The following LEPR variants were observed in gnomAD, a reference collection of about 807,000 sequenced individuals.
LEPR encodes leptin receptor, also known as OB receptor.
A neutral mutation model predicts 114.7 loss-of-function variants in LEPR; 56 were observed. The ratio of observed to expected loss-of-function variants is 0.49; its 90% CI spans 0.39 to 0.61. The LOEUF is 0.61. Ranked by LOEUF, LEPR falls within the 20% of genes least tolerant of loss-of-function variation. The pLI is 0.00. For missense variants in LEPR, 1,202 were observed against 1,352.9 expected, an observed-to-expected ratio of 0.89 and a Z score of 1.75; for synonymous variants, 443 against 461.4, an observed-to-expected ratio of 0.96 and a Z score of 0.51.
intron 2 of LEPR, among the ~76,000 whole-genome samples, chr1:65,494,376 A>T (rs1200921199): frequency 1.3e-5 from 2 of 151,998 alleles, no homozygotes; most frequent in Non-Finnish European, 2.9e-5. Flanking sequence ...CTCCTCCTAT[A>T]TCTCCAAATG....
At chr1:65,537,513 G>A (rs922526611) in intron 2 of LEPR, among the ~76,000 whole-genome samples, 2 of 151,682 alleles carry the variant, frequency 1.3e-5, no homozygotes, top group African/African-American at 2.4e-5. Context: ...AGATAATTTA[G>A]CCTACTCATT....
intron 2 of LEPR, among the ~76,000 whole-genome samples, chr1:65,451,190 T>G (rs1463460009): frequency 6.6e-6 from 1 of 152,198 alleles, no homozygotes; most frequent in African/African-American, 2.4e-5. Context: ...CTTTGGCAGA[T>G]GAGTAGGTTG....
chr1:65,601,299 C>T (rs1249764638), intron 8 of LEPR, 93 bp from the exon 9 acceptor site: 1 of 1,456,378 alleles, frequency 6.9e-7, no homozygotes, highest in African/African-American at 1.4e-5. Flanking sequence ...GGCAGTGTAA[C>T]TCTGGAATGT....
chr1:65,499,192 T>C (rs998089903), intron 2 of LEPR, among the ~76,000 whole-genome samples: 3 of 152,124 alleles, frequency 2.0e-5, no homozygotes, highest in African/African-American at 7.2e-5. Context: ...TAAATGCTTA[T>C]AAGAGTGAGA....
At chr1:65,601,798 T>C (rs1480426697) in intron 9 of LEPR, 45 bp from the exon 10 acceptor site, 3 of 1,582,524 alleles carry the variant, frequency 1.9e-6, no homozygotes, top group Non-Finnish European at 2.6e-6. Context: ...ATTGAATTTT[T>C]TGGAGTTTTT....
At chr1:65,555,756 TG>T (rs1652771132) in intron 2 of LEPR, among the ~76,000 whole-genome samples, 1 of 152,192 alleles carries the variant, frequency 6.6e-6, no homozygotes, top group Non-Finnish European at 1.5e-5. Flanking sequence ...CATTCATTTT[TG>T]TTGTGAGAGT....
chr1:65,499,898 T>A (rs952406324), intron 2 of LEPR, among the ~76,000 whole-genome samples: 1 of 152,116 alleles, frequency 6.6e-6, no homozygotes. Flanking sequence ...TTTAAGGACA[T>A]CCATGTTCTG....
chr1:65,480,574 A>C, intron 2 of LEPR, among the ~76,000 whole-genome samples: 1 of 152,198 alleles, frequency 6.6e-6, no homozygotes, highest in African/African-American at 2.4e-5. Context: ...ATGATAACGA[A>C]AGTATCTCAT....
intron 2 of LEPR, among the ~76,000 whole-genome samples, chr1:65,426,588 G>A (rs1570422070): frequency 6.6e-6 from 1 of 152,248 alleles, no homozygotes; most frequent in Admixed American, 6.5e-5. Flanking sequence ...AAGAAAAGGA[G>A]AGTGAGTTAG....
At chr1:65,516,422 C>T (rs1043241910) in intron 2 of LEPR, among the ~76,000 whole-genome samples, 6 of 150,506 alleles carry the variant, frequency 4.0e-5, no homozygotes, top group South Asian at 2.1e-4. Flanking sequence ...CCAGCCTGGG[C>T]GAAAGAGCGA....
intron 2 of LEPR, chr1:65,431,921 A>G (rs1646490861): frequency 6.2e-7 from 1 of 1,613,012 alleles, no homozygotes; most frequent in Admixed American, 1.7e-5. Context: ...CAGTGGTAGC[A>G]CTTTATTCTG....
chr1:65,534,489 T>C (rs1650618863), intron 2 of LEPR, among the ~76,000 whole-genome samples: 1 of 152,216 alleles, frequency 6.6e-6, no homozygotes, highest in African/African-American at 2.4e-5. Context: ...TTATTCTAGA[T>C]ACTGAACAAA....
intron 5 of LEPR, among the ~76,000 whole-genome samples, chr1:65,583,753 A>T (rs2100859470): frequency 6.6e-6 from 1 of 152,264 alleles, no homozygotes; most frequent in South Asian, 2.1e-4. Context: ...GTGACCCATA[A>T]CCAAGAGAAA....
intron 2 of LEPR, among the ~76,000 whole-genome samples, chr1:65,487,571 A>C (rs557097416): frequency 2.6e-5 from 4 of 152,202 alleles, no homozygotes; most frequent in Non-Finnish European, 5.9e-5. Context: ...AGAGTAAAGA[A>C]AAGTTGACCA....
rs527381494 is a variant in LEPR, at chr1:65,638,505, T to A, written c.*1490T>A. 6.6e-6 allele frequency: 1 copy of A among 152,194 alleles called. No homozygotes were observed. The highest frequency in any genetic ancestry group is 1.9e-4 in the East Asian group (1 of 5,196). 9.4% of individuals were successfully genotyped at this position (152,194 alleles called of 1,614,324 possible). On this transcript the variant is annotated 3_prime_UTR_variant, in exon 20 of 20. Transcript: ENST00000349533. ...GTTCAAAAATATGCCTATGGGTTTT[T>A]AAAAATTATCAGAATTTCATATTTA... is the stretch of plus-strand genomic sequence containing the variant.
At chr1:65,626,339 C>T in intron 19 of LEPR, 2 of 1,312,334 alleles carry the variant, frequency 1.5e-6, no homozygotes, top group Non-Finnish European at 2.0e-6. Flanking sequence ...TTTTATAATA[C>T]AGTGGGTGTG....
At chr1:65,576,172 C>A in intron 5 of LEPR, 1 of 175,228 alleles carries the variant, frequency 5.7e-6, no homozygotes, top group South Asian at 1.5e-4. Flanking sequence ...CACAGATTGC[C>A]ATAGCCACAG....
At chr1:65,620,358 G>T (rs952822558) in intron 17 of LEPR, among the ~76,000 whole-genome samples, 11 of 152,058 alleles carry the variant, frequency 7.2e-5, no homozygotes, top group African/African-American at 2.4e-4. Flanking sequence ...TTCATTTGTT[G>T]TTAGAATAAA....
At chr1:65,423,503 T>C (rs1570412225) in intron 1 of LEPR, among the ~76,000 whole-genome samples, 1 of 152,140 alleles carries the variant, frequency 6.6e-6, no homozygotes, top group African/African-American at 2.4e-5. Context: ...GTACTGCCGA[T>C]GGTCAGGCAC....
Sources: allele counts gnomAD v4.1 joint callset (sites outside exome capture counted in the v4.1 genomes callset), GRCh38; gene constraint gnomAD v4.1.1; transcripts MANE v1.5; gene names NCBI Gene and HGNC (gene_info 2026-07-23, HGNC 2026-07-21).